SHF: variants seen among roughly 807,000 people sequenced by gnomAD.
The protein encoded by SHF is SH2 domain-containing adapter protein F.
Under a neutral mutation model 42.4 loss-of-function variants are expected in SHF, and 30 were observed. The observed-to-expected ratio is 0.71, with a 90% confidence interval of 0.53 to 0.96. SHF has a LOEUF of 0.96. Ranked by LOEUF, SHF falls within the 40% of genes least tolerant of loss-of-function variation. The pLI is 0.00. For synonymous variants in SHF, 264 were observed against 269.9 expected (o/e 0.98, Z 0.21); for missense variants, 598 against 634.0 (o/e 0.94, Z 0.61).
At chr15:45,173,358 T>C (rs1158661655) in intron 4 of SHF, among the ~76,000 whole-genome samples, 1 of 152,196 alleles carries the variant, frequency 6.6e-6, no homozygotes, top group Non-Finnish European at 1.5e-5. Context: ...TTTTGTAGCA[T>C]GGTGAGGAAC....
chr15:45,172,348 A>T (rs1158089770), intron 4 of SHF, 30 bp from the exon 5 acceptor site: 1 of 1,558,416 alleles, frequency 6.4e-7, no homozygotes, highest in East Asian at 2.2e-5. Flanking sequence ...CATGGACTCT[A>T]AGGACCCTAG....
rs1897933630 is a variant in SHF, at chr15:45,178,281, T to C, written c.524A>G (p.Asp175Gly). Residue 175 changes from aspartate to glycine, a missense_variant, in exon 2 of 7, where the codon GAC becomes GGC. This residue lies in a region of SHF where 439 missense variants were observed against 524.6 expected (regional missense o/e 0.84). Coordinates refer to ENST00000690270, the MANE Select transcript of SHF (RefSeq NM_001394037.1). ...GCCAGTCTCCTGAACATCAAACGGG[T>C]CCGCATAGTCTTCTAGGATAGCTAG... The part of the protein sequence containing the change: ...DRLAILEDYA[D>G]PFDVQETGEG... The C allele has an allele frequency of 6.2e-7, 1 of 1,613,852 alleles. No individual in the cohort carries two copies. Among genetic ancestry groups the C allele is most frequent in the African/African-American group, 1.3e-5 (1 of 75,010 alleles).
At chr15:45,186,816 C>G (rs1187001748) in intron 1 of SHF, among the ~76,000 whole-genome samples, 1 of 152,246 alleles carries the variant, frequency 6.6e-6, no homozygotes, top group African/African-American at 2.4e-5. Context: ...CCCACGAAGC[C>G]CCCTTGGCAA....
intron 2 of SHF, among the ~76,000 whole-genome samples, chr15:45,193,369 C>T (rs1898764251): frequency 6.6e-6 from 1 of 152,044 alleles, no homozygotes; most frequent in Non-Finnish European, 1.5e-5. Context: ...CAACTGGAGG[C>T]CAGGGAGGGG....
intron 1 of SHF, among the ~76,000 whole-genome samples, chr15:45,178,633 C>A (rs1897960177): frequency 6.7e-6 from 1 of 148,750 alleles, no homozygotes; most frequent in South Asian, 2.1e-4. Context: ...CTACCGGGTT[C>A]ACACCATTCT....
At chr15:45,170,609 C>G in intron 6 of SHF, 1 of 349,684 alleles carries the variant, frequency 2.9e-6, no homozygotes, top group Non-Finnish European at 5.3e-6. Flanking sequence ...CTCAGGTTAC[C>G]TGACTATAGT....
intron 1 of SHF, among the ~76,000 whole-genome samples, chr15:45,181,758 C>CA (rs1410574076): frequency 6.6e-6 from 1 of 152,118 alleles, no homozygotes; most frequent in Non-Finnish European, 1.5e-5. Context: ...GCGCAAAGGC[C>CA]AAAGGGAGGA....
chr15:45,186,010 T>C (rs920607224), intron 1 of SHF, among the ~76,000 whole-genome samples: 2 of 152,228 alleles, frequency 1.3e-5, no homozygotes, highest in Non-Finnish European at 2.9e-5. Context: ...CAAAGACAGC[T>C]CAGGCCCATG....
chr15:45,184,893 CCACCCCTG>C (rs1015378991), intron 1 of SHF, among the ~76,000 whole-genome samples: 2 of 152,358 alleles, frequency 1.3e-5, no homozygotes, highest in South Asian at 4.1e-4. Context: ...GCCCAGATGG[CCACCCCTG>C]CACCCCTGCC....
chr15:45,173,060 T>C (rs141332378), intron 4 of SHF, among the ~76,000 whole-genome samples: 2 of 152,364 alleles, frequency 1.3e-5, no homozygotes, highest in East Asian at 1.9e-4. Flanking sequence ...TACGAACAGA[T>C]GCTCATGCCT....
Position 45,175,237 on chromosome 15 carries a change from TC to T in SHF, c.828del (p.Ile277PhefsTer89). On this transcript the variant is annotated frameshift_variant, in exon 3 of 7. Coordinates refer to ENST00000690270, the MANE Select transcript of SHF (RefSeq NM_001394037.1). LOFTEE classifies it high-confidence loss of function. Reference sequence around the variant, plus strand: ...GACTCACCTGCAAAGGCTTTGGAAATCCGCTCCTTCTTCCACTCCCAGGGCT... The same window carrying T: ...GACTCACCTGCAAAGGCTTTGGAAATCGCTCCTTCTTCCACTCCCAGGGCT... Reference protein sequence around the residue: ...YDQPWEWKKERISKAFAVDIK... With the variant: ...YDQPWEWKKEXISKAFAVDIK... 3.7e-6 allele frequency: 6 copies of T among 1,610,346 alleles called. No individual in the cohort carries two copies. The highest frequency in any genetic ancestry group is 5.1e-6 in the Non-Finnish European group (6 of 1,178,950).
Position 45,167,949 on chromosome 15 carries a change from A to G in SHF, c.1465T>C (p.Ter489GlnextTer2), listed in dbSNP as rs1022307662. The change falls in exon 7 of 7, where the codon TAG becomes CAG. Residue 489 changes from the stop codon to glutamine, a stop_lost. Transcript: ENST00000690270. ...LLYPVAIRTL[*>Q] is the part of the protein sequence containing the mutation. ...ATCACAGTGCCCTGGCTTCACATCT[A>G]AAGAGTCCGGATGGCCACAGGGTAG... 8 of 1,600,746 alleles carry G rather than the reference A, an allele frequency of 5.0e-6. No homozygotes were observed. Among genetic ancestry groups the G allele is most frequent in the Non-Finnish European group, 5.1e-6 (6 of 1,171,822 alleles).
At chr15:45,170,802 C>G in intron 6 of SHF, 1 of 198,094 alleles carries the variant, frequency 5.0e-6, no homozygotes, top group Non-Finnish European at 1.0e-5. Flanking sequence ...CCAGTGCTCA[C>G]CATCACACCC....
At chr15:45,188,579 C>T (rs1898595915), upstream of SHF, among the ~76,000 whole-genome samples, 1 of 152,232 alleles carries the variant, frequency 6.6e-6, no homozygotes, top group Non-Finnish European at 1.5e-5. Context: ...ATACAAACAA[C>T]TCCCTAGAGA....
At chr15:45,188,026 G>T (rs1176446860), upstream of SHF, 15 of 248,022 alleles carry the variant, frequency 6.0e-5, no homozygotes, top group African/African-American at 3.5e-4. Flanking sequence ...GGGGGGCGGG[G>T]CTCCGCCGGG....
At chr15:45,177,702 C>T (rs1897891261) in intron 2 of SHF, among the ~76,000 whole-genome samples, 1 of 152,216 alleles carries the variant, frequency 6.6e-6, no homozygotes. Context: ...GACTGTCTCT[C>T]AGCCTCTGTT....
At chr15:45,192,807 G>A (rs1282482038), upstream of SHF, among the ~76,000 whole-genome samples, 1 of 152,034 alleles carries the variant, frequency 6.6e-6, no homozygotes, top group African/African-American at 2.4e-5. Context: ...AAATGTCCAG[G>A]CCAATTGTCA....
At chr15:45,190,518 T>C (rs565878755), upstream of SHF, among the ~76,000 whole-genome samples, 1 of 152,272 alleles carries the variant, frequency 6.6e-6, no homozygotes, top group Admixed American at 6.5e-5. Flanking sequence ...GTGATGAATA[T>C]GAAAAAGGTT....
chr15:45,178,354 A>G (rs772349699), intron 1 of SHF, 48 bp from the exon 2 acceptor site: 4 of 1,585,122 alleles, frequency 2.5e-6, no homozygotes. Context: ...CAGAGAGGCA[A>G]CTCTGCTTCT....
Sources: gnomAD v4.1 joint callset for allele counts (sites outside exome capture counted in the v4.1 genomes callset) on GRCh38, gnomAD v4.1.1 for gene constraint, gnomAD v4.1.1 regional missense constraint, MANE v1.5 for transcripts, NCBI Gene and HGNC (gene_info 2026-07-23, HGNC 2026-07-21) for gene names.